The following NEURL1B variants were observed in gnomAD, a reference collection of about 807,000 sequenced individuals.
NEURL1B encodes the protein neuralized E3 ubiquitin protein ligase 1B.
NEURL1B carries 13 observed loss-of-function variants against 37.4 expected under a neutral mutation model. The observed-to-expected ratio is 0.35, with a 90% CI of 0.23 to 0.55. The LOEUF is 0.55. NEURL1B is among the 20% of genes least tolerant of loss of function. The pLI is 0.89. For missense variants in NEURL1B, 790 were observed against 879.2 expected (o/e 0.90, Z 1.28); for synonymous variants, 432 against 426.6 (o/e 1.01, Z -0.16).
In NEURL1B at chr5:172,683,338, G is replaced by A; in HGVS notation, c.578-81G>A. 2 of 1,252,188 alleles carry A rather than the reference G, an allele frequency of 1.6e-6. No homozygotes were observed. The highest frequency in any genetic ancestry group is 2.0e-6 in the Non-Finnish European group (2 of 994,412). The allele number at this position is 1,252,188 out of a possible 1,614,324, so 77.6% of individuals were successfully genotyped here. A position where few individuals can be genotyped will look rare whatever the true frequency, so the allele number is the denominator to read the frequency against. On this transcript the variant is annotated intron_variant, in intron 2 of 4. Transcript: ENST00000369800. This position sits in a 1 kb window ranked among gnomAD's most constrained non-coding sequence, Gnocchi z 5.6. ...CCGGGTCGGTCGTGGAGGCCTGCAG[G>A]AGGCAGCGGGCGAGGAGGGGCTCGC...
intron 2 of NEURL1B, among the ~76,000 whole-genome samples, chr5:172,680,213 ACTATCACT>A (rs1414575939): frequency 4.6e-5 from 7 of 152,142 alleles, no homozygotes; most frequent in Admixed American, 1.3e-4. Context: ...GGTGTTTACC[ACTATCACT>A]CTATCACTCT....
chr5:172,686,252 C>A lies in NEURL1B; in HGVS notation c.1379C>A (p.Thr460Asn), dbSNP rs1428457369. The A allele has an allele frequency of 1.3e-6, 2 of 1,551,708 alleles. No homozygotes were observed. The highest frequency in any genetic ancestry group is 8.7e-7 in the Non-Finnish European group (1 of 1,147,000). The stretch of plus-strand genomic sequence containing the variant: ...CAGGACGATAGTGATTCAGATATGA[C>A]CTTCAGTGTCAACCAGTCCTCCTCG... ...GSQDDSDSDM[T>N]FSVNQSSSAS... is the part of the protein sequence containing the mutation. Residue 460 changes from threonine to asparagine, a missense_variant, in exon 4 of 5, where the codon ACC becomes AAC. By Grantham distance (65) the Thr-to-Asn change is moderately conservative. Around this residue, in one of 3 missense-constraint regions of NEURL1B, gnomAD observed 115 missense variants for 162.6 expected, o/e 0.71. Coordinates refer to ENST00000369800, the MANE Select transcript of NEURL1B (RefSeq NM_001142651.3). The surrounding 1 kb of genome is among the most constrained non-coding windows in gnomAD (Gnocchi z 7.9).
At position 172,674,700 on chromosome 5, in the gene NEURL1B, TCCC is replaced by T. The variant is rs534693724; in HGVS notation, c.577+4371_577+4373del. Among the ~76,000 whole-genome samples the T allele has an allele frequency of 2.8e-3, 424 of 152,164 alleles. 1 individual carries two copies. The highest frequency in any genetic ancestry group is 9.7e-3 in the African/African-American group (404 of 41,500). On this transcript the variant is annotated intron_variant, in intron 2 of 4. Coordinates refer to ENST00000369800, the MANE Select transcript of NEURL1B (RefSeq NM_001142651.3). ...TAGGTGTACATTGCCCCTTCCTTCCTCCCTCCCTGCTTGGGAACCTTGGGAGTC... is the reference window on the plus strand; with the variant it reads ...TAGGTGTACATTGCCCCTTCCTTCCTTCCCTGCTTGGGAACCTTGGGAGTC...
intron 1 of NEURL1B, among the ~76,000 whole-genome samples, chr5:172,658,730 C>T (rs570210163): frequency 6.6e-5 from 10 of 152,112 alleles, no homozygotes; most frequent in Non-Finnish European, 1.3e-4. Context: ...GAGCCGCCCT[C>T]CTCCCTGGGA....
rs1173304597 is a variant in NEURL1B, at chr5:172,658,215, C to T, written c.32-11570C>T. 3.9e-5 allele frequency among the ~76,000 whole-genome samples: 6 copies of T among 152,188 alleles called. No individual in the cohort carries two copies. The South Asian group carries it at 8.3e-4, about 21-fold the overall frequency. ...TTCTCTTTATCTCTTTGTCTTGTGT[C>T]TTATTTATTACAATCTCTCGTCTCC... On this transcript the variant is annotated intron_variant, in intron 1 of 4. Transcript: ENST00000369800.
intron 2 of NEURL1B, among the ~76,000 whole-genome samples, chr5:172,680,964 T>A (rs1448585283): frequency 6.6e-6 from 1 of 152,200 alleles, no homozygotes; most frequent in Non-Finnish European, 1.5e-5. Context: ...TAGCTCTTGG[T>A]TCCGCAGGCT....
rs1561652789 is a variant in NEURL1B, at chr5:172,683,058, C to T, written c.578-361C>T. Among the ~76,000 whole-genome samples, 2 of 152,024 alleles carry T rather than the reference C, an allele frequency of 1.3e-5. No homozygotes were observed. ...GGACAATAAACGATTTTTAGATGCC[C>T]TTTTAATGATCAAAGTATGGAAACC... On this transcript the variant is annotated intron_variant, in intron 2 of 4. Coordinates refer to ENST00000369800, the MANE Select transcript of NEURL1B (RefSeq NM_001142651.3). This position sits in a 1 kb window ranked among gnomAD's most constrained non-coding sequence, Gnocchi z 5.6.
chr5:172,672,922 G>A (rs1206468508), intron 2 of NEURL1B, among the ~76,000 whole-genome samples: 1 of 152,112 alleles, frequency 6.6e-6, no homozygotes, highest in Non-Finnish European at 1.5e-5. Flanking sequence ...GAAAGAGCTT[G>A]TATTGCTTTT....
intron 2 of NEURL1B, among the ~76,000 whole-genome samples, chr5:172,680,103 A>G (rs1758319555): frequency 6.6e-6 from 1 of 152,194 alleles, no homozygotes; most frequent in African/African-American, 2.4e-5. Context: ...CTGGGCCCAC[A>G]GTGAGTGCTC....
rs1296681161 is a variant in NEURL1B at position 172,661,616 on chromosome 5, C to T, written c.32-8169C>T. ...AGGCCCAGTGAAACTCCAGTGTAATCCTCATGTTCAAAGGAAGAGGCAGAA... is the reference window on the plus strand; with the variant it reads ...AGGCCCAGTGAAACTCCAGTGTAATTCTCATGTTCAAAGGAAGAGGCAGAA... On this transcript the variant is annotated intron_variant, in intron 1 of 4. Transcript: ENST00000369800. The surrounding 1 kb of genome is among the most constrained non-coding windows in gnomAD (Gnocchi z 4.0). Among the ~76,000 whole-genome samples, 1 of 152,242 alleles carries T rather than the reference C, an allele frequency of 6.6e-6. No homozygotes were observed. Among genetic ancestry groups the T allele is most frequent in the Non-Finnish European group, 1.5e-5 (1 of 68,050 alleles).
rs577204521 is a variant in NEURL1B at position 172,661,887 on chromosome 5, C to T, written c.32-7898C>T. 1.2e-4 allele frequency among the ~76,000 whole-genome samples: 18 copies of T among 152,304 alleles called. No individual in the cohort carries two copies. The highest frequency in any genetic ancestry group is 3.6e-4 in the African/African-American group (15 of 41,566). On this transcript the variant is annotated intron_variant, in intron 1 of 4. Coordinates refer to ENST00000369800, the MANE Select transcript of NEURL1B (RefSeq NM_001142651.3). This position sits in a 1 kb window ranked among gnomAD's most constrained non-coding sequence, Gnocchi z 4.0. Reference sequence around the variant, plus strand: ...GGACCATTCAGGGGATGGCACAAGGCGCATTTAGGACGCCTGCTGGCATAG... The same window carrying T: ...GGACCATTCAGGGGATGGCACAAGGTGCATTTAGGACGCCTGCTGGCATAG...
chr5:172,650,496 T>C (rs536191949), intron 1 of NEURL1B, among the ~76,000 whole-genome samples: 2 of 152,206 alleles, frequency 1.3e-5, no homozygotes, highest in African/African-American at 4.8e-5. Flanking sequence ...TTCGCTGGAA[T>C]CTCAAGAAAG....
In NEURL1B at chr5:172,677,753, A is replaced by C. The variant is rs148435050; in HGVS notation, c.578-5666A>C. On this transcript the variant is annotated intron_variant, in intron 2 of 4. Transcript: ENST00000369800. ...TAGACATGGTTCCTGTCATTTGTCT[A>C]CTTCCTCCGCCTCCACGGAATCACC... is the stretch of plus-strand genomic sequence containing the variant. 9.9e-4 allele frequency among the ~76,000 whole-genome samples: 151 copies of C among 151,840 alleles called. 1 individual carries two copies. The highest frequency in any genetic ancestry group is 1.6e-3 in the Non-Finnish European group (111 of 67,932).
chr5:172,658,019 C>A (rs947802826), intron 1 of NEURL1B, among the ~76,000 whole-genome samples: 1 of 152,150 alleles, frequency 6.6e-6, no homozygotes, highest in Non-Finnish European at 1.5e-5. Context: ...GGGAAGGGCC[C>A]CCTGTCCAGT....
chr5:172,686,581 C>A lies in NEURL1B; in HGVS notation c.1424-100C>A. ...TTAGTATCTCCCAAAAGTATTCTCCCACCGGTCCCAGCAAGAAGCCCTGCA... is the reference window on the plus strand; with the variant it reads ...TTAGTATCTCCCAAAAGTATTCTCCAACCGGTCCCAGCAAGAAGCCCTGCA... On this transcript the variant is annotated intron_variant, in intron 4 of 4. Coordinates refer to ENST00000369800, the MANE Select transcript of NEURL1B (RefSeq NM_001142651.3). This position sits in a 1 kb window ranked among gnomAD's most constrained non-coding sequence, Gnocchi z 7.9. 7.5e-7 allele frequency: 1 copy of A among 1,338,360 alleles called. No individual in the cohort carries two copies. The highest frequency in any genetic ancestry group is 1.0e-6 in the Non-Finnish European group (1 of 982,186). The allele number at this position is 1,338,360 out of a possible 1,614,324, so 82.9% of individuals were successfully genotyped here.
intron 3 of NEURL1B, among the ~76,000 whole-genome samples, chr5:172,684,937 A>G (rs1001521806): frequency 6.6e-6 from 1 of 152,240 alleles, no homozygotes; most frequent in African/African-American, 2.4e-5. Flanking sequence ...AGTCCAAGCA[A>G]TAAGAAGCAG....
intron 2 of NEURL1B, among the ~76,000 whole-genome samples, chr5:172,681,936 A>G (rs917694964): frequency 6.6e-6 from 1 of 152,238 alleles, no homozygotes; most frequent in African/African-American, 2.4e-5. Context: ...AAACACCTTC[A>G]CAATATTTTA....
At chr5:172,662,936 T>C (rs1471874497) in intron 1 of NEURL1B, among the ~76,000 whole-genome samples, 1 of 151,772 alleles carries the variant, frequency 6.6e-6, no homozygotes, top group Non-Finnish European at 1.5e-5. Flanking sequence ...TGATTAACCA[T>C]GGGGGTTAGG....
intron 2 of NEURL1B, among the ~76,000 whole-genome samples, chr5:172,682,109 A>G (rs1262695940): frequency 6.6e-6 from 1 of 152,258 alleles, no homozygotes; most frequent in Non-Finnish European, 1.5e-5. Context: ...CAAGAGACTC[A>G]TATTCCAGCT....
Sources: gnomAD v4.1 joint callset for allele counts (sites outside exome capture counted in the v4.1 genomes callset) on GRCh38, gnomAD v4.1.1 for gene constraint, gnomAD v4.1.1 regional missense constraint, Gnocchi (gnomAD v3.1) non-coding constraint, MANE v1.5 for transcripts, NCBI Gene and HGNC (gene_info 2026-07-23, HGNC 2026-07-21) for gene names.